GRIK1: variants seen among roughly 807,000 people sequenced by gnomAD.
The protein encoded by GRIK1 is glutamate receptor ionotropic, kainate 1.
A neutral mutation model predicts 105.7 loss-of-function variants in GRIK1; 69 were observed. The ratio of observed to expected loss-of-function variants is 0.65; its 90% CI spans 0.54 to 0.80. The LOEUF is 0.80. Among genes scored for constraint, GRIK1 ranks in the 30% least tolerant of loss-of-function variants. The pLI is 0.00. For missense variants in GRIK1, 1,109 were observed against 1,167.3 expected, an observed-to-expected ratio of 0.95 and a Z score of 0.73; for synonymous variants, 438 against 431.3, an observed-to-expected ratio of 1.02 and a Z score of -0.19.
At chr21:29,820,867 C>T (rs1299214237) in intron 1 of GRIK1, among the ~76,000 whole-genome samples, 3 of 151,894 alleles carry the variant, frequency 2.0e-5, no homozygotes, top group South Asian at 2.1e-4. Flanking sequence ...AGGTCAAAAA[C>T]CTTACCCAAG....
At chr21:29,619,725 T>C (rs1306253323) in intron 7 of GRIK1, among the ~76,000 whole-genome samples, 1 of 152,198 alleles carries the variant, frequency 6.6e-6, no homozygotes, top group Non-Finnish European at 1.5e-5. Flanking sequence ...AATTTCTCAG[T>C]TAAACACACT....
At chr21:29,926,461 C>T (rs1308135759) in intron 1 of GRIK1, among the ~76,000 whole-genome samples, 1 of 152,146 alleles carries the variant, frequency 6.6e-6, no homozygotes, top group Non-Finnish European at 1.5e-5. Context: ...AAGAAAACAG[C>T]ACTGAGAAGA....
intron 7 of GRIK1, among the ~76,000 whole-genome samples, chr21:29,640,107 ATT>A (rs11342979): frequency 1.4e-5 from 2 of 141,378 alleles, no homozygotes; most frequent in East Asian, 2.0e-4. Flanking sequence ...GCTTCTTTTC[ATT>A]TTTTTTTTTC....
chr21:29,554,128 G>T (rs1483290592), intron 16 of GRIK1, among the ~76,000 whole-genome samples: 2 of 152,134 alleles, frequency 1.3e-5, no homozygotes, highest in Admixed American at 6.5e-5. Context: ...CACATAATTT[G>T]CAGGGTCCAG....
chr21:29,807,831 C>T (rs984959629), intron 1 of GRIK1, among the ~76,000 whole-genome samples: 5 of 151,956 alleles, frequency 3.3e-5, no homozygotes, highest in Non-Finnish European at 7.4e-5. Flanking sequence ...GTACAAGCAG[C>T]GGGTGTCAAG....
At chr21:29,916,366 GC>G (rs1352308653) in intron 1 of GRIK1, among the ~76,000 whole-genome samples, 4 of 151,840 alleles carry the variant, frequency 2.6e-5, no homozygotes, top group African/African-American at 9.7e-5. Flanking sequence ...CAAAGTGGGA[GC>G]CAGAGAATAA....
intron 1 of GRIK1, among the ~76,000 whole-genome samples, chr21:29,707,323 A>C (rs2063931749): frequency 6.6e-6 from 1 of 152,246 alleles, no homozygotes; most frequent in East Asian, 1.9e-4. Context: ...TGAAACAATC[A>C]CTATTAACAG....
At chr21:29,540,854 C>T (rs2089956881) in intron 16 of GRIK1, among the ~76,000 whole-genome samples, 1 of 152,148 alleles carries the variant, frequency 6.6e-6, no homozygotes, top group South Asian at 2.1e-4. Context: ...GCGGGATACT[C>T]AGGTAGTATT....
rs570106769 is a variant in GRIK1 at position 29,889,411 on chromosome 21, C to T, written c.118+49972G>A. Among the ~76,000 whole-genome samples, 21 of 152,146 alleles carry T rather than the reference C, an allele frequency of 1.4e-4. No homozygotes were observed. The South Asian group carries it at 4.1e-3, about 30-fold the overall frequency. On this transcript the variant is annotated intron_variant, in intron 1 of 17. Transcript: ENST00000327783. ...TAAATACTCCTACTGTGGTTCACTC[C>T]ATCCAGGATAAATCCAGAATCACAA...
At chr21:29,893,737 CAG>C (rs2069997762) in intron 1 of GRIK1, among the ~76,000 whole-genome samples, 2 of 152,158 alleles carry the variant, frequency 1.3e-5, no homozygotes, top group South Asian at 4.1e-4. Flanking sequence ...CTCAAGAATT[CAG>C]AGTCTAGGCA....
At chr21:29,841,147 C>G (rs917987924) in intron 1 of GRIK1, among the ~76,000 whole-genome samples, 3 of 152,114 alleles carry the variant, frequency 2.0e-5, no homozygotes, top group African/African-American at 7.2e-5. Context: ...TACACACACA[C>G]TACCGTAAAT....
intron 4 of GRIK1, among the ~76,000 whole-genome samples, chr21:29,666,421 A>T (rs1348954162): frequency 6.6e-6 from 1 of 152,132 alleles, no homozygotes; most frequent in African/African-American, 2.4e-5. Flanking sequence ...ATAATAAATA[A>T]ATAAAGTTTA....
chr21:29,688,081 G>A (rs549292262), intron 3 of GRIK1, among the ~76,000 whole-genome samples: 5 of 152,312 alleles, frequency 3.3e-5, no homozygotes, highest in South Asian at 2.1e-4. Flanking sequence ...TAAAGTATGC[G>A]TGTGGATTTG....
chr21:29,905,725 C>T (rs1294591399), intron 1 of GRIK1, among the ~76,000 whole-genome samples: 1 of 138,724 alleles, frequency 7.2e-6, no homozygotes, highest in African/African-American at 2.8e-5. Context: ...CTCCCAGGTT[C>T]ACGCCATTCT....
chr21:29,855,282 A>G (rs1373960405), intron 1 of GRIK1, among the ~76,000 whole-genome samples: 1 of 152,232 alleles, frequency 6.6e-6, no homozygotes, highest in African/African-American at 2.4e-5. Flanking sequence ...ATAAAAAAGA[A>G]TAATATTGGT....
chr21:29,765,490 A>C (rs1336044514), intron 1 of GRIK1, among the ~76,000 whole-genome samples: 2 of 151,980 alleles, frequency 1.3e-5, no homozygotes, highest in African/African-American at 2.4e-5. Flanking sequence ...AAGTTATTGC[A>C]TTCCTTCTGT....
At chr21:29,585,347 C>A (rs1449621865) in intron 12 of GRIK1, among the ~76,000 whole-genome samples, 1 of 152,086 alleles carries the variant, frequency 6.6e-6, no homozygotes, top group East Asian at 1.9e-4. Flanking sequence ...TTCTGACATA[C>A]TCTGATGACA....
At chr21:29,745,159 A>C (rs1004525666) in intron 1 of GRIK1, among the ~76,000 whole-genome samples, 2 of 152,180 alleles carry the variant, frequency 1.3e-5, no homozygotes, top group East Asian at 1.9e-4. Flanking sequence ...TGATAAAACA[A>C]GAGAGTATGT....
chr21:29,674,071 TTTG>T (rs1223642832), intron 3 of GRIK1, among the ~76,000 whole-genome samples: 1 of 151,812 alleles, frequency 6.6e-6, no homozygotes, highest in Non-Finnish European at 1.5e-5. Context: ...AGTTTTTTTT[TTTG>T]TTGTTTTTTT....
Sources: allele counts gnomAD v4.1 joint callset (sites outside exome capture counted in the v4.1 genomes callset), GRCh38; gene constraint gnomAD v4.1.1; transcripts MANE v1.5; gene names NCBI Gene and HGNC (gene_info 2026-07-23, HGNC 2026-07-21).